COL4A4: variants seen among roughly 807,000 people sequenced by gnomAD.
COL4A4 encodes the protein collagen type IV alpha 4 chain.
A neutral mutation model predicts 192.9 loss-of-function variants in COL4A4; 105 were observed. The ratio of observed to expected loss-of-function variants is 0.54; its 90% CI spans 0.46 to 0.64. The LOEUF (loss-of-function observed/expected upper bound fraction) is 0.64, where lower values mean the gene tolerates loss of function less well. COL4A4 is among the 30% of genes least tolerant of loss of function. The pLI is 0.00. For missense variants in COL4A4, 1,967 were observed against 2,169.3 expected (o/e 0.91, Z 1.85); for synonymous variants, 762 against 769.9 (o/e 0.99, Z 0.17).
intron 4 of COL4A4, among the ~76,000 whole-genome samples, chr2:227,137,045 T>C (rs1434637630): frequency 1.3e-5 from 2 of 152,122 alleles, no homozygotes; most frequent in Non-Finnish European, 2.9e-5. Context: ...AGCCTTCCCA[T>C]GGAAAACCCA....
At chr2:227,108,692 T>A (rs535008333) in intron 11 of COL4A4, 70 bp from the exon 12 acceptor site, 1 of 1,573,754 alleles carries the variant, frequency 6.4e-7, no homozygotes, top group South Asian at 1.1e-5. Flanking sequence ...CAATTAAGAC[T>A]TCTGGCTACA....
At chr2:227,038,583 GT>G (rs1268887713) in intron 37 of COL4A4, among the ~76,000 whole-genome samples, 1 of 152,146 alleles carries the variant, frequency 6.6e-6, no homozygotes, top group Admixed American at 6.5e-5. Flanking sequence ...ATTTAAAGTA[GT>G]TTTTTGTAAT....
At position 227,051,166 on chromosome 2, in the gene COL4A4, A is replaced by T; in HGVS notation, c.2969-8T>A. 1 of 1,614,038 alleles carries T rather than the reference A, an allele frequency of 6.2e-7. No individual in the cohort carries two copies. Reference sequence around the variant, plus strand: ...CGGGAGTTCCTTTATCACCTGATGAAGTTGGAAGTGTTACAGGTCTCTGCT... The same window carrying T: ...CGGGAGTTCCTTTATCACCTGATGATGTTGGAAGTGTTACAGGTCTCTGCT... On this transcript the variant is annotated splice_region_variant and splice_polypyrimidine_tract_variant and intron_variant, in intron 32 of 47. Transcript: ENST00000396625.
chr2:227,112,760 T>G (rs768050478), intron 8 of COL4A4, among the ~76,000 whole-genome samples: 2 of 152,236 alleles, frequency 1.3e-5, no homozygotes, highest in African/African-American at 2.4e-5. Flanking sequence ...GCAACCACCC[T>G]TCTATTTTCC....
At chr2:227,018,799 C>T (rs184193393) in intron 44 of COL4A4, among the ~76,000 whole-genome samples, 153 of 152,214 alleles carry the variant, frequency 1.0e-3, no homozygotes, top group African/African-American at 3.6e-3. Context: ...CCTGTGGCCA[C>T]GTGCAGCAGA....
chr2:227,049,647 T>C (rs1350559792), intron 34 of COL4A4, among the ~76,000 whole-genome samples: 2 of 152,278 alleles, frequency 1.3e-5, no homozygotes, highest in Non-Finnish European at 2.9e-5. Flanking sequence ...TTAGCCTCTA[T>C]GTCCTAACTG....
At chr2:227,057,972 C>A (rs575897976) in intron 28 of COL4A4, among the ~76,000 whole-genome samples, 5 of 152,212 alleles carry the variant, frequency 3.3e-5, no homozygotes, top group African/African-American at 9.6e-5. Context: ...TGAGAGATTT[C>A]ATCACTTGTA....
chr2:227,070,679 T>G (rs1258239414), intron 25 of COL4A4, among the ~76,000 whole-genome samples: 1 of 116,130 alleles, frequency 8.6e-6, no homozygotes, highest in African/African-American at 3.4e-5. Context: ...TGAGAACACA[T>G]AGACACAGGA....
chr2:226,977,342 GC>G, the COL4A4 span, among the ~76,000 whole-genome samples: 1 of 152,096 alleles, frequency 6.6e-6, no homozygotes, highest in African/African-American at 2.4e-5. Context: ...TTGCTTTTCA[GC>G]CTTGTCTGCC....
chr2:227,150,673 G>T (rs1379817729), intron 1 of COL4A4, among the ~76,000 whole-genome samples: 1 of 152,166 alleles, frequency 6.6e-6, no homozygotes. Flanking sequence ...ATAGCAGAAG[G>T]CACCTCTTCA....
chr2:227,019,806 TA>T (rs1429251688), intron 44 of COL4A4, among the ~76,000 whole-genome samples: 1 of 152,212 alleles, frequency 6.6e-6, no homozygotes, highest in African/African-American at 2.4e-5. Flanking sequence ...TAGCTGGGAT[TA>T]CAGGCATCTG....
At chr2:227,108,894 A>G in intron 10 of COL4A4, 26 bp from the exon 11 acceptor site, 2 of 1,609,058 alleles carry the variant, frequency 1.2e-6, no homozygotes, top group South Asian at 1.1e-5. Context: ...AAAAAACACA[A>G]ATCAATCATC....
intron 25 of COL4A4, among the ~76,000 whole-genome samples, chr2:227,077,628 A>T (rs549713132): frequency 6.6e-6 from 1 of 152,036 alleles, no homozygotes; most frequent in Non-Finnish European, 1.5e-5. Flanking sequence ...AAACCTGCTC[A>T]TTCTACATAT....
the COL4A4 span, among the ~76,000 whole-genome samples, chr2:226,984,273 T>G: frequency 5.9e-5 from 9 of 152,224 alleles, no homozygotes; most frequent in Non-Finnish European, 1.0e-4. Context: ...CCCGGTGGCT[T>G]AAACAACAGA....
In COL4A4 at chr2:227,006,945, A is replaced by T; in HGVS notation, c.*380T>A. On this transcript the variant is annotated 3_prime_UTR_variant, in exon 48 of 48. Coordinates refer to ENST00000396625, the MANE Select transcript of COL4A4 (RefSeq NM_000092.5). Reference sequence around the variant, plus strand: ...TCCATCCAGAAGCCCACTGTATTATAGAGTAATTGACTTCAATTGTTTGAG... The same window carrying T: ...TCCATCCAGAAGCCCACTGTATTATTGAGTAATTGACTTCAATTGTTTGAG... 3.3e-6 allele frequency: 1 copy of T among 299,454 alleles called. No individual in the cohort carries two copies. Among genetic ancestry groups the T allele is most frequent in the East Asian group, 8.2e-5 (1 of 12,160 alleles). The allele number at this position is 299,454 out of a possible 1,614,324, so 18.5% of individuals were successfully genotyped here. A position where few individuals can be genotyped will look rare whatever the true frequency, so the allele number is the denominator to read the frequency against.
intron 12 of COL4A4, among the ~76,000 whole-genome samples, chr2:227,106,660 G>C (rs1171281905): frequency 2.0e-5 from 3 of 152,200 alleles, no homozygotes; most frequent in Non-Finnish European, 4.4e-5. Context: ...CCACCTCCCA[G>C]GTTCAAGCAA....
At chr2:227,020,673 G>A (rs188954823) in intron 44 of COL4A4, among the ~76,000 whole-genome samples, 1 of 151,992 alleles carries the variant, frequency 6.6e-6, no homozygotes, top group South Asian at 2.1e-4. Flanking sequence ...GGGCAGTGAG[G>A]GGGGGTGAAA....
intron 22 of COL4A4, 102 bp downstream of exon 22, chr2:227,088,551 T>A (rs1576418703): frequency 6.9e-7 from 1 of 1,459,670 alleles, no homozygotes; most frequent in Admixed American, 1.7e-5. Context: ...CCTCTTTCCT[T>A]AATAAATTAC....
chr2:227,035,849 C>T (rs1203064395), intron 37 of COL4A4, among the ~76,000 whole-genome samples: 3 of 152,150 alleles, frequency 2.0e-5, no homozygotes, highest in Non-Finnish European at 4.4e-5. Context: ...GCCAGCTCTC[C>T]ATTGTCACAT....
Sources: allele counts gnomAD v4.1 joint callset (sites outside exome capture counted in the v4.1 genomes callset), GRCh38; gene constraint gnomAD v4.1.1; transcripts MANE v1.5; gene names NCBI Gene and HGNC (gene_info 2026-07-23, HGNC 2026-07-21).